The following NTRK3 variants were observed in gnomAD, a reference collection of about 807,000 sequenced individuals.
NTRK3 encodes the protein NT-3 growth factor receptor.
In NTRK3, 24 loss-of-function variants were observed where a neutral mutation model predicts 91.7. The observed-to-expected ratio is 0.26, with a 90% CI of 0.19 to 0.37. The LOEUF (loss-of-function observed/expected upper bound fraction) is 0.37, where lower values mean the gene tolerates loss of function less well. NTRK3 is among the 10% of genes least tolerant of loss of function. NTRK3 has a pLI of 1.00. For synonymous variants in NTRK3, 483 were observed against 404.0 expected (o/e 1.20, Z -2.34); for missense variants, 880 against 1,068.9 (o/e 0.82, Z 2.46).
intron 13 of NTRK3, among the ~76,000 whole-genome samples, chr15:88,043,069 A>G (rs2079811527): frequency 6.6e-6 from 1 of 152,238 alleles, no homozygotes; most frequent in African/African-American, 2.4e-5. Flanking sequence ...AGTAAACTCC[A>G]AACCCACAAC....
At chr15:87,957,922 G>A (rs1002373093) in intron 14 of NTRK3, among the ~76,000 whole-genome samples, 2 of 152,144 alleles carry the variant, frequency 1.3e-5, no homozygotes, top group South Asian at 2.1e-4. Context: ...AGAGTGTAGT[G>A]GCTGAATTCC....
intron 14 of NTRK3, among the ~76,000 whole-genome samples, chr15:87,997,804 C>T (rs2075812419): frequency 6.6e-6 from 1 of 152,120 alleles, no homozygotes; most frequent in South Asian, 2.1e-4. Flanking sequence ...CTTTTGGACA[C>T]TTGTAGAGAC....
At chr15:87,885,657 G>A in intron 17 of NTRK3, 37 bp downstream of exon 18, 2 of 1,129,198 alleles carry the variant, frequency 1.8e-6, no homozygotes, top group Non-Finnish European at 1.3e-6. Context: ...TTGGGACAAT[G>A]AACTATTCAT....
chr15:88,210,400 A>T (rs1007453352), intron 3 of NTRK3, among the ~76,000 whole-genome samples: 5 of 152,210 alleles, frequency 3.3e-5, no homozygotes, highest in Non-Finnish European at 7.3e-5. Context: ...AACCCAAAAA[A>T]GCCCTAGCCT....
intron 13 of NTRK3, 40 bp from the exon 14 acceptor site, chr15:88,033,085 C>T (rs1389173092): frequency 6.5e-7 from 1 of 1,543,190 alleles, no homozygotes; most frequent in South Asian, 1.2e-5. Flanking sequence ...GGTGACGTCA[C>T]ATCCGGCCAG....
At chr15:88,077,029 G>A (rs970722932) in intron 13 of NTRK3, among the ~76,000 whole-genome samples, 15 of 152,234 alleles carry the variant, frequency 9.9e-5, no homozygotes, top group Non-Finnish European at 1.6e-4. Context: ...AGGAGGCGGA[G>A]GTTGCAACGA....
chr15:87,961,288 G>A (rs1481707554), intron 14 of NTRK3, among the ~76,000 whole-genome samples: 4 of 152,158 alleles, frequency 2.6e-5, no homozygotes, highest in Admixed American at 1.3e-4. Context: ...CTGATGCATA[G>A]CCTACACTTG....
intron 15 of NTRK3, among the ~76,000 whole-genome samples, chr15:87,938,499 C>T (rs892320902): frequency 2.6e-5 from 4 of 152,106 alleles, no homozygotes; most frequent in African/African-American, 9.7e-5. Flanking sequence ...CTGAGTGACA[C>T]GTGTAAAATC....
intron 14 of NTRK3, among the ~76,000 whole-genome samples, chr15:88,026,410 CAATATGACATGTGG>C (rs2078041620): frequency 6.6e-6 from 1 of 152,140 alleles, no homozygotes; most frequent in Non-Finnish European, 1.5e-5. Flanking sequence ...ATGATTCCAA[CAATATGACATGTGG>C]AAAAGACAAC....
rs1190540530 is a variant in NTRK3, at chr15:88,255,665, G to A, written c.248+241C>T. Reference sequence around the variant, plus strand: ...GGGCCCCGCGTGCCCTCGGCGGCCGGGGTCCTCTCCGGGGAGAGGCACACA... The same window carrying A: ...GGGCCCCGCGTGCCCTCGGCGGCCGAGGTCCTCTCCGGGGAGAGGCACACA... On this transcript the variant is annotated intron_variant, in intron 3 of 18. Coordinates refer to ENST00000394480, the Ensembl canonical transcript of NTRK3. The surrounding 1 kb of genome is among the most constrained non-coding windows in gnomAD (Gnocchi z 4.3). Among the ~76,000 whole-genome samples the A allele has an allele frequency of 6.6e-6, 1 of 152,160 alleles. No homozygotes were observed. Among genetic ancestry groups the A allele is most frequent in the Non-Finnish European group, 1.5e-5 (1 of 68,028 alleles).
chr15:87,878,837 A>T (rs1219769936), intron 18 of NTRK3, among the ~76,000 whole-genome samples: 2 of 151,618 alleles, frequency 1.3e-5, no homozygotes, highest in African/African-American at 4.9e-5. Context: ...ACCAATAGCA[A>T]CCTCAGCCCA....
intron 3 of NTRK3, among the ~76,000 whole-genome samples, chr15:88,186,757 G>C (rs1238753685): frequency 6.6e-6 from 1 of 152,154 alleles, no homozygotes; most frequent in Non-Finnish European, 1.5e-5. Flanking sequence ...TACAATAACA[G>C]AGCTGAATAG....
intron 3 of NTRK3, among the ~76,000 whole-genome samples, chr15:88,202,662 A>C (rs1424649494): frequency 6.6e-6 from 1 of 152,144 alleles, no homozygotes; most frequent in Non-Finnish European, 1.5e-5. Context: ...GCAAGTTTCC[A>C]TTCAAGCCCA....
chr15:87,982,235 A>G (rs760037078), intron 14 of NTRK3, among the ~76,000 whole-genome samples: 1 of 152,228 alleles, frequency 6.6e-6, no homozygotes, highest in Non-Finnish European at 1.5e-5. Context: ...GCCTGATAGC[A>G]TAAGAGGCAC....
At chr15:88,020,499 G>A (rs958726813) in intron 14 of NTRK3, among the ~76,000 whole-genome samples, 1 of 152,136 alleles carries the variant, frequency 6.6e-6, no homozygotes, top group African/African-American at 2.4e-5. Flanking sequence ...ATATTTTTCA[G>A]TACCATCAAG....
intron 13 of NTRK3, among the ~76,000 whole-genome samples, chr15:88,039,209 T>C (rs2079370953): frequency 1.3e-5 from 2 of 151,896 alleles, no homozygotes; most frequent in Non-Finnish European, 2.9e-5. Context: ...TCGGCCTCTC[T>C]GCTGTCACTA....
chr15:88,134,394 T>G (rs2041675314), intron 10 of NTRK3, among the ~76,000 whole-genome samples: 1 of 152,116 alleles, frequency 6.6e-6, no homozygotes, highest in Non-Finnish European at 1.5e-5. Context: ...TCAAGCAAAG[T>G]TCTTCAGTAA....
At chr15:88,096,677 G>C (rs182511189) in intron 13 of NTRK3, among the ~76,000 whole-genome samples, 1 of 152,270 alleles carries the variant, frequency 6.6e-6, no homozygotes, top group Admixed American at 6.5e-5. Context: ...ATTAATGGAG[G>C]ACAGGAGTCA....
chr15:88,130,573 C>A (rs2041234087), intron 10 of NTRK3, among the ~76,000 whole-genome samples: 1 of 151,968 alleles, frequency 6.6e-6, no homozygotes, highest in African/African-American at 2.4e-5. Flanking sequence ...ATCACGCGCC[C>A]CCGAAACGAT....
Sources: allele counts gnomAD v4.1 joint callset (sites outside exome capture counted in the v4.1 genomes callset), GRCh38; gene constraint gnomAD v4.1.1; non-coding constraint Gnocchi (gnomAD v3.1); transcripts MANE v1.5; gene names NCBI Gene and HGNC (gene_info 2026-07-23, HGNC 2026-07-21).